CAMTA1: variants seen among roughly 807,000 people sequenced by gnomAD.
CAMTA1 encodes the protein calmodulin binding transcription activator 1.
A neutral mutation model predicts 170.9 loss-of-function variants in CAMTA1; 27 were observed. The ratio of observed to expected loss-of-function variants is 0.16; its 90% CI spans 0.12 to 0.22. The LOEUF (loss-of-function observed/expected upper bound fraction) is 0.22. CAMTA1 is among the 10% of genes least tolerant of loss of function. The pLI, the probability that CAMTA1 is intolerant of heterozygous loss-of-function variation, is 1.00. For synonymous variants in CAMTA1, 833 were observed against 891.5 expected, an observed-to-expected ratio of 0.93 and a Z score of 1.17; for missense variants, 1,619 against 2,217.2, an observed-to-expected ratio of 0.73 and a Z score of 5.42.
chr1:7,141,471 C>T (rs2148617967), intron 4 of CAMTA1, among the ~76,000 whole-genome samples: 1 of 152,298 alleles, frequency 6.6e-6, no homozygotes, highest in South Asian at 2.1e-4. Context: ...TGGCTAACGT[C>T]TCCAGATCGC....
chr1:7,006,401 A>G (rs1033694369), intron 3 of CAMTA1, among the ~76,000 whole-genome samples: 2 of 152,200 alleles, frequency 1.3e-5, no homozygotes, highest in African/African-American at 4.8e-5. Context: ...TAGTCCTAGA[A>G]ATTCTATGGA....
At chr1:7,587,353 C>G (rs1302904997) in intron 6 of CAMTA1, among the ~76,000 whole-genome samples, 1 of 152,062 alleles carries the variant, frequency 6.6e-6, no homozygotes, top group Non-Finnish European at 1.5e-5. Context: ...TCTTTCCTTC[C>G]TAAAGGGCTT....
At chr1:6,992,420 C>T (rs6657680) in intron 3 of CAMTA1, among the ~76,000 whole-genome samples, 2,387 of 152,298 alleles carry the variant, frequency 0.016, 34 homozygotes, top group African/African-American at 0.035. Flanking sequence ...TCCATGCCTT[C>T]TCTAAGAAAT....
rs957715111 is a variant in CAMTA1, at chr1:7,467,332, G to A, written c.439-498G>A. On this transcript the variant is annotated intron_variant, in intron 5 of 22. Transcript: ENST00000303635. ...CTAGAAGCCCATCCTGGGAAGTGCC[G>A]CCCCACCCTGTCCCCCCTGGTTGGG... 1.3e-5 allele frequency among the ~76,000 whole-genome samples: 2 copies of A among 152,138 alleles called. 1 individual carries two copies. Among genetic ancestry groups the A allele is most frequent in the South Asian group, 4.2e-4 (2 of 4,816 alleles).
intron 4 of CAMTA1, among the ~76,000 whole-genome samples, chr1:7,233,919 C>T (rs985923331): frequency 3.9e-5 from 6 of 152,162 alleles, no homozygotes; most frequent in African/African-American, 1.2e-4. Context: ...CTGGACCCAG[C>T]CTCTCTGTAG....
At chr1:7,023,158 C>T (rs191560445) in intron 3 of CAMTA1, among the ~76,000 whole-genome samples, 45 of 152,308 alleles carry the variant, frequency 3.0e-4, no homozygotes, top group Middle Eastern at 3.4e-3. Context: ...CCTTCAAGAA[C>T]GAGGGATACC....
Position 7,642,345 on chromosome 1 carries a change from A to C in CAMTA1, c.664+1792A>C, listed in dbSNP as rs2148950948. Among the ~76,000 whole-genome samples the C allele has an allele frequency of 6.6e-6, 1 of 152,204 alleles. No homozygotes were observed. Among genetic ancestry groups the C allele is most frequent in the South Asian group, 2.1e-4 (1 of 4,820 alleles). The stretch of plus-strand genomic sequence containing the variant: ...GCCCTGGAATGGTGGGGGGGAAGGG[A>C]CCTGCCCAGGGTCCTGAGCAGAGGA... On this transcript the variant is annotated intron_variant, in intron 7 of 22. Transcript: ENST00000303635. The surrounding 1 kb of genome is among the most constrained non-coding windows in gnomAD (Gnocchi z 6.3).
Position 7,503,514 on chromosome 1 carries a change from C to T in CAMTA1, c.510+35613C>T, listed in dbSNP as rs187221157. 2.0e-3 allele frequency among the ~76,000 whole-genome samples: 304 copies of T among 152,284 alleles called. 1 individual carries two copies. The highest frequency in any genetic ancestry group is 2.4e-3 in the Non-Finnish European group (164 of 68,014). Reference sequence around the variant, plus strand: ...CCTTCGCCGAAGGGGAGGGAATGGTCGCTGCCCTCCCCCACCATTTCCAGG... The same window carrying T: ...CCTTCGCCGAAGGGGAGGGAATGGTTGCTGCCCTCCCCCACCATTTCCAGG... On this transcript the variant is annotated intron_variant, in intron 6 of 22. Transcript: ENST00000303635.
At chr1:6,976,562 C>T (rs953482180) in intron 3 of CAMTA1, among the ~76,000 whole-genome samples, 2 of 152,266 alleles carry the variant, frequency 1.3e-5, no homozygotes, top group Admixed American at 6.5e-5. Context: ...AAGCCAGGCT[C>T]TCGGGAGCAG....
chr1:7,180,511 CT>C (rs397862259), intron 4 of CAMTA1, among the ~76,000 whole-genome samples: 6,283 of 71,110 alleles, frequency 0.088, 98 homozygotes, highest in African/African-American at 0.16. Flanking sequence ...TGTCACTAGA[CT>C]TTTTTTTTTT....
At chr1:7,292,095 T>G (rs1294096952) in intron 5 of CAMTA1, among the ~76,000 whole-genome samples, 1 of 152,176 alleles carries the variant, frequency 6.6e-6, no homozygotes, top group Non-Finnish European at 1.5e-5. Context: ...GAAAAATCCA[T>G]TTATAGAAAC....
intron 11 of CAMTA1, among the ~76,000 whole-genome samples, chr1:7,731,368 T>TC (rs2096731984): frequency 6.6e-6 from 1 of 151,880 alleles, no homozygotes; most frequent in Admixed American, 6.6e-5. Context: ...GGTCAGGAGT[T>TC]CAAGACCAGC....
intron 5 of CAMTA1, among the ~76,000 whole-genome samples, chr1:7,273,061 A>G (rs1040129852): frequency 6.6e-6 from 1 of 152,218 alleles, no homozygotes; most frequent in African/African-American, 2.4e-5. Flanking sequence ...ACCACTTCTT[A>G]CCCACTAGGA....
chr1:7,468,608 C>T (rs2093266880), intron 6 of CAMTA1, among the ~76,000 whole-genome samples: 1 of 152,226 alleles, frequency 6.6e-6, no homozygotes, highest in African/African-American at 2.4e-5. Flanking sequence ...TCCATGCAGT[C>T]GGACTAGACA....
intron 5 of CAMTA1, among the ~76,000 whole-genome samples, chr1:7,387,690 T>C (rs2088171089): frequency 6.6e-6 from 1 of 152,150 alleles, no homozygotes; most frequent in Non-Finnish European, 1.5e-5. Context: ...GTGCACGGTG[T>C]AAAAATGATA....
At chr1:7,735,659 T>C (rs1005520353) in intron 12 of CAMTA1, among the ~76,000 whole-genome samples, 3 of 152,116 alleles carry the variant, frequency 2.0e-5, no homozygotes, top group African/African-American at 7.2e-5. Flanking sequence ...TCAGCCCTAA[T>C]AGATAGACTC....
chr1:7,100,048 G>A (rs1285177757), intron 4 of CAMTA1, among the ~76,000 whole-genome samples: 1 of 152,142 alleles, frequency 6.6e-6, no homozygotes, highest in Non-Finnish European at 1.5e-5. Context: ...AGATGTGTGA[G>A]CTCCCTCTGC....
chr1:7,665,028 G>C lies in CAMTA1; in HGVS notation c.2481G>C (p.Gln827His), dbSNP rs775627962. Residue 827 changes from glutamine (Q) to histidine (H), a missense_variant, in exon 9 of 23, where the codon CAG (glutamine) becomes CAC (histidine). Gln to His is a conservative substitution (Grantham distance 24). Transcript: ENST00000303635. This position sits in a 1 kb window ranked among gnomAD's most constrained non-coding sequence, Gnocchi z 4.3. ...AEMCLPCCSP[Q>H]QGSLQLSSSE... ...TGTGCCTCCCCTGCTGTAGCCCCCAGCAGGGTAGCCTGCAGCTGAGCAGCT... is the reference window on the plus strand; with the variant it reads ...TGTGCCTCCCCTGCTGTAGCCCCCACCAGGGTAGCCTGCAGCTGAGCAGCT... The C allele has an allele frequency of 7.9e-5, 126 of 1,591,208 alleles. No individual in the cohort carries two copies. Among genetic ancestry groups the C allele is most frequent in the Non-Finnish European group, 1.1e-4 (124 of 1,167,968 alleles).
At chr1:6,871,673 A>G in intron 3 of CAMTA1, 2 of 1,173,260 alleles carry the variant, frequency 1.7e-6, no homozygotes, top group Non-Finnish European at 2.4e-6. Context: ...GATGGGGTTC[A>G]GTTACAGTGG....
Sources: allele counts gnomAD v4.1 joint callset (sites outside exome capture counted in the v4.1 genomes callset), GRCh38; gene constraint gnomAD v4.1.1; non-coding constraint Gnocchi (gnomAD v3.1); transcripts MANE v1.5; gene names NCBI Gene and HGNC (gene_info 2026-07-23, HGNC 2026-07-21).